The following LRP1B variants were observed in gnomAD, a reference collection of about 807,000 sequenced individuals.
LRP1B encodes LDL receptor related protein 1B, also known as low-density lipoprotein receptor-related protein 1B.
LRP1B carries 217 observed loss-of-function variants against 556.6 expected under a neutral mutation model. That is an observed-to-expected ratio of 0.39 (90% CI 0.35 to 0.44). The LOEUF (loss-of-function observed/expected upper bound fraction) is 0.44, where lower values mean the gene tolerates loss of function less well. Ranked by LOEUF, LRP1B falls within the 20% of genes least tolerant of loss-of-function variation. The probability of loss-of-function intolerance (pLI) is 1.00; values close to 1 mark genes in which losing one functional copy is unlikely to be tolerated. For synonymous variants in LRP1B, 2,047 were observed against 1,865.8 expected, an observed-to-expected ratio of 1.10 and a Z score of -2.50; for missense variants, 5,053 against 5,620.8, an observed-to-expected ratio of 0.90 and a Z score of 3.23.
chr2:142,057,741 G>A (rs534453015), intron 1 of LRP1B, among the ~76,000 whole-genome samples: 163 of 152,246 alleles, frequency 1.1e-3, no homozygotes, highest in Non-Finnish European at 1.9e-3. Flanking sequence ...TTATTACGTA[G>A]ATTAAGTGTG....
At chr2:140,918,184 TTTTG>T (rs1694633830) in intron 21 of LRP1B, among the ~76,000 whole-genome samples, 2 of 95,866 alleles carry the variant, frequency 2.1e-5, no homozygotes, top group Non-Finnish European at 2.2e-5. Flanking sequence ...TAGATTTCTA[TTTTG>T]TGTGTGTGTG....
In LRP1B at chr2:140,501,872, G is replaced by T. The variant is rs1242899906; in HGVS notation, c.8665C>A (p.Gln2889Lys). 1 of 1,579,056 alleles carries T rather than the reference G, an allele frequency of 6.3e-7. No homozygotes were observed. Among genetic ancestry groups the T allele is most frequent in the African/African-American group, 1.4e-5 (1 of 73,480 alleles). The change falls in exon 55 of 91, where the codon CAG becomes AAG. Residue 2889 changes from glutamine (Q) to lysine (K), a missense_variant and splice_region_variant. Physicochemically the swap from Gln to Lys is moderately conservative, Grantham distance 53. This residue lies in a region of LRP1B where 3,619 missense variants were observed against 3,931.9 expected (regional missense o/e 0.92). Transcript: ENST00000389484. ...PLNPKCKSAEQSCNSSFFMCK... is the reference protein window; with the variant it reads ...PLNPKCKSAEKSCNSSFFMCK... ...ATAAAAAATGAACTGTTGCATGACTGTTCTGGAAAAAAAATAAAACAAATG... is the reference window on the plus strand; with the variant it reads ...ATAAAAAATGAACTGTTGCATGACTTTTCTGGAAAAAAAATAAAACAAATG...
chr2:142,060,817 T>G (rs914399535), intron 1 of LRP1B, among the ~76,000 whole-genome samples: 5 of 152,044 alleles, frequency 3.3e-5, no homozygotes, highest in African/African-American at 7.2e-5. Context: ...AATAGGTTAA[T>G]AGAGCAATTA....
At chr2:141,200,763 A>C (rs982556091) in intron 6 of LRP1B, among the ~76,000 whole-genome samples, 1 of 152,132 alleles carries the variant, frequency 6.6e-6, no homozygotes, top group South Asian at 2.1e-4. Context: ...ATTAGAATAT[A>C]AGCCCCATAT....
intron 85 of LRP1B, among the ~76,000 whole-genome samples, chr2:140,274,141 C>T (rs183408777): frequency 6.6e-6 from 1 of 152,000 alleles, no homozygotes; most frequent in African/African-American, 2.4e-5. Flanking sequence ...ATGCTGAATG[C>T]CAGCATTTCT....
At chr2:140,856,844 C>T (rs1692635454) in intron 27 of LRP1B, among the ~76,000 whole-genome samples, 2 of 151,832 alleles carry the variant, frequency 1.3e-5, no homozygotes, top group South Asian at 4.1e-4. Context: ...CATTTGGATT[C>T]ATATGCATGT....
chr2:140,659,144 A>G (rs1432054144), intron 41 of LRP1B, among the ~76,000 whole-genome samples: 1 of 88,570 alleles, frequency 1.1e-5, no homozygotes, highest in Non-Finnish European at 2.1e-5. Flanking sequence ...CTGAAAATCT[A>G]TTTAATAAAA....
At position 142,059,856 on chromosome 2, in the gene LRP1B, T is replaced by C. The variant is rs535644561; in HGVS notation, c.82+70792A>G. On this transcript the variant is annotated intron_variant, in intron 1 of 90. Coordinates refer to ENST00000389484, the MANE Select transcript of LRP1B (RefSeq NM_018557.3). ...TGAAATAAAAGTATTGGGATAATTT[T>C]ACCTTTTTCTTGAAATCATCAAAAT... is the stretch of plus-strand genomic sequence containing the variant. Among the ~76,000 whole-genome samples, 60 of 152,240 alleles carry C rather than the reference T, an allele frequency of 3.9e-4. 1 individual carries two copies. The highest frequency in any genetic ancestry group is 1.4e-3 in the African/African-American group (58 of 41,568).
chr2:140,684,557 G>GT (rs1685979337), intron 41 of LRP1B, among the ~76,000 whole-genome samples: 1 of 152,044 alleles, frequency 6.6e-6, no homozygotes, highest in Non-Finnish European at 1.5e-5. Context: ...AAATAGAGAA[G>GT]TTTTTGCCAT....
chr2:141,867,472 T>C (rs1207154033), intron 1 of LRP1B, among the ~76,000 whole-genome samples: 3 of 152,154 alleles, frequency 2.0e-5, no homozygotes, highest in East Asian at 1.9e-4. Context: ...AAGCTTAAGA[T>C]TCCTGTATCT....
intron 1 of LRP1B, among the ~76,000 whole-genome samples, chr2:141,957,386 G>C (rs112022737): frequency 6.9e-5 from 7 of 101,500 alleles, no homozygotes; most frequent in African/African-American, 2.1e-4. Context: ...GTGTGTGTGG[G>C]GGGGGGGGGG....
intron 8 of LRP1B, among the ~76,000 whole-genome samples, chr2:141,061,782 T>A (rs987897224): frequency 6.6e-6 from 1 of 151,802 alleles, no homozygotes; most frequent in Non-Finnish European, 1.5e-5. Flanking sequence ...CTTGCGAATA[T>A]AGCATTTTTG....
intron 2 of LRP1B, among the ~76,000 whole-genome samples, chr2:141,728,282 G>A (rs1175866639): frequency 6.6e-6 from 1 of 152,118 alleles, no homozygotes; most frequent in Non-Finnish European, 1.5e-5. Context: ...ATGAGGCGTA[G>A]CTGACATAAA....
intron 1 of LRP1B, among the ~76,000 whole-genome samples, chr2:142,015,586 ACC>A (rs957539985): frequency 6.6e-6 from 1 of 152,236 alleles, no homozygotes; most frequent in South Asian, 2.1e-4. Flanking sequence ...TGAACAGGCA[ACC>A]CCTACAGAAT....
In LRP1B at chr2:141,276,226, C is replaced by T. The variant is rs564641607; in HGVS notation, c.344-21585G>A. On this transcript the variant is annotated intron_variant, in intron 3 of 90. Coordinates refer to ENST00000389484, the MANE Select transcript of LRP1B (RefSeq NM_018557.3). ...GTTTGTGGTTTCACATAACTATCTTCACTTCCTTCGCAGCACTTACCACAG... is the reference window on the plus strand; with the variant it reads ...GTTTGTGGTTTCACATAACTATCTTTACTTCCTTCGCAGCACTTACCACAG... Among the ~76,000 whole-genome samples, 629 of 152,278 alleles carry T rather than the reference C, an allele frequency of 4.1e-3. 3 individuals are homozygous for T. Among genetic ancestry groups the T allele is most frequent in the African/African-American group, 0.013 (560 of 41,554 alleles).
intron 18 of LRP1B, among the ~76,000 whole-genome samples, chr2:140,962,297 T>C (rs111873355): frequency 3.3e-5 from 5 of 152,048 alleles, no homozygotes; most frequent in Non-Finnish European, 7.4e-5. Context: ...ACAACCACTA[T>C]CCCCCATGCA....
chr2:140,391,004 T>C (rs1477625232), intron 66 of LRP1B, among the ~76,000 whole-genome samples: 1 of 152,064 alleles, frequency 6.6e-6, no homozygotes, highest in Non-Finnish European at 1.5e-5. Flanking sequence ...ACCATGTGAC[T>C]CAGCAATTTT....
intron 2 of LRP1B, among the ~76,000 whole-genome samples, chr2:141,585,885 C>CTTTT (rs11459511): frequency 6.9e-6 from 1 of 144,258 alleles, no homozygotes; most frequent in African/African-American, 2.5e-5. Context: ...TACAGGTGCA[C>CTTTT]TTTTTTTTTT....
intron 85 of LRP1B, among the ~76,000 whole-genome samples, chr2:140,271,038 T>C (rs1286523271): frequency 1.3e-5 from 2 of 151,950 alleles, no homozygotes; most frequent in African/African-American, 2.4e-5. Context: ...TAAGTTAAAG[T>C]CGCATCACAG....
Sources: allele counts gnomAD v4.1 joint callset (sites outside exome capture counted in the v4.1 genomes callset), GRCh38; gene constraint gnomAD v4.1.1; regional missense constraint gnomAD v4.1.1; transcripts MANE v1.5; gene names NCBI Gene and HGNC (gene_info 2026-07-23, HGNC 2026-07-21).